TENM2: variants seen among roughly 807,000 people sequenced by gnomAD.
The protein encoded by TENM2 is teneurin transmembrane protein 2.
Under a neutral mutation model 245.2 loss-of-function variants are expected in TENM2, and 52 were observed. That is an observed-to-expected ratio of 0.21 (90% CI 0.17 to 0.27). TENM2 has a LOEUF of 0.27. TENM2 is among the 10% of genes least tolerant of loss of function. The pLI is 1.00. For missense variants in TENM2, 3,046 were observed against 3,666.8 expected, an observed-to-expected ratio of 0.83 and a Z score of 4.37; for synonymous variants, 1,363 against 1,438.9, an observed-to-expected ratio of 0.95 and a Z score of 1.19.
intron 12 of TENM2, among the ~76,000 whole-genome samples, chr5:168,128,113 TG>T (rs760026878): frequency 1.3e-5 from 2 of 152,242 alleles, no homozygotes; most frequent in Non-Finnish European, 2.9e-5. Context: ...TCCATCTGAT[TG>T]GGCATCCGAG....
chr5:167,260,034 A>C, the TENM2 span, among the ~76,000 whole-genome samples: 1 of 152,206 alleles, frequency 6.6e-6, no homozygotes, highest in Non-Finnish European at 1.5e-5. Flanking sequence ...AGACACGCCA[A>C]GTCATCTTGT....
At chr5:168,003,027 G>A (rs186168595) in intron 5 of TENM2, among the ~76,000 whole-genome samples, 1 of 152,278 alleles carries the variant, frequency 6.6e-6, no homozygotes, top group East Asian at 1.9e-4. Context: ...TCCTGTCCTG[G>A]TGTTAATCAG....
intron 2 of TENM2, among the ~76,000 whole-genome samples, chr5:167,549,121 T>C (rs1340450960): frequency 6.6e-6 from 1 of 152,172 alleles, no homozygotes; most frequent in East Asian, 1.9e-4. Context: ...GTATATCAGC[T>C]CAGCCAATCG....
At chr5:167,489,527 C>T (rs900395913) in intron 2 of TENM2, among the ~76,000 whole-genome samples, 18 of 152,234 alleles carry the variant, frequency 1.2e-4, no homozygotes, top group Non-Finnish European at 2.5e-4. Context: ...GCAACACTGC[C>T]CTTCAGCATT....
At chr5:167,988,985 C>T (rs909044533) in intron 4 of TENM2, among the ~76,000 whole-genome samples, 1 of 152,022 alleles carries the variant, frequency 6.6e-6, no homozygotes, top group Non-Finnish European at 1.5e-5. Context: ...TTATCTTTAC[C>T]GTGTTGCTCT....
At chr5:167,797,357 C>A (rs1011484714) in intron 2 of TENM2, among the ~76,000 whole-genome samples, 1 of 152,150 alleles carries the variant, frequency 6.6e-6, no homozygotes, top group Non-Finnish European at 1.5e-5. Context: ...ATGGCATCCC[C>A]TTTAATGAGC....
intron 3 of TENM2, among the ~76,000 whole-genome samples, chr5:167,898,523 C>G (rs770942483): frequency 3.9e-5 from 6 of 152,198 alleles, no homozygotes; most frequent in Non-Finnish European, 7.3e-5. Flanking sequence ...TAGGGCCAGG[C>G]AGCAGCCTGG....
At chr5:167,399,666 C>T (rs1247015606) in intron 2 of TENM2, among the ~76,000 whole-genome samples, 1 of 152,160 alleles carries the variant, frequency 6.6e-6, no homozygotes, top group Non-Finnish European at 1.5e-5. Flanking sequence ...ACGACTTCAT[C>T]TCTCTGAGTA....
At chr5:167,342,618 C>A (rs1346637102) in intron 1 of TENM2, among the ~76,000 whole-genome samples, 1 of 146,494 alleles carries the variant, frequency 6.8e-6, no homozygotes, top group African/African-American at 2.5e-5. Context: ...AGCTCCGCTT[C>A]CCGGGTTCAC....
At chr5:167,040,257 G>A in the TENM2 span, among the ~76,000 whole-genome samples, 1 of 151,954 alleles carries the variant, frequency 6.6e-6, no homozygotes, top group Admixed American at 6.5e-5. Flanking sequence ...TTTCAGTGTA[G>A]TGCTCAGACC....
chr5:167,735,517 T>C (rs1010215682), intron 2 of TENM2, among the ~76,000 whole-genome samples: 3 of 152,208 alleles, frequency 2.0e-5, no homozygotes, highest in Non-Finnish European at 4.4e-5. Context: ...GTGAAAACTA[T>C]TGACCAGGAA....
rs140193387 is a variant in TENM2, at chr5:167,438,686, C to T, written c.502+63213C>T. Among the ~76,000 whole-genome samples the T allele has an allele frequency of 3.3e-3, 503 of 152,252 alleles. 2 individuals are homozygous for T. The highest frequency in any genetic ancestry group is 9.3e-3 in the East Asian group (48 of 5,154). On this transcript the variant is annotated intron_variant, in intron 2 of 28. Coordinates refer to ENST00000518659, the Ensembl canonical transcript of TENM2. ...TGCTGGGATTATAGGCATGAGCCACCGCATCTGGCCTGAACAAACATTTTT... is the reference window on the plus strand; with the variant it reads ...TGCTGGGATTATAGGCATGAGCCACTGCATCTGGCCTGAACAAACATTTTT...
At chr5:167,149,893 T>A in the TENM2 span, among the ~76,000 whole-genome samples, 3 of 152,252 alleles carry the variant, frequency 2.0e-5, no homozygotes, top group East Asian at 5.8e-4. Context: ...ACAAGGATTA[T>A]TTTATTCACT....
chr5:167,460,914 G>T (rs902028294), intron 2 of TENM2, among the ~76,000 whole-genome samples: 1 of 152,106 alleles, frequency 6.6e-6, no homozygotes, highest in Admixed American at 6.5e-5. Context: ...ATGAACTGCA[G>T]TTGCTGATCT....
rs188008291 is a variant in TENM2, at chr5:168,016,342, T to G, written c.1186+23160T>G. ...TCCCCAACGCCCTTCAACTCTGTCT[T>G]ACTATCATTCCATTATTTTATCTGA... On this transcript the variant is annotated intron_variant, in intron 5 of 28. Transcript: ENST00000518659. Among the ~76,000 whole-genome samples the G allele has an allele frequency of 2.0e-5, 3 of 152,364 alleles. No homozygotes were observed. The East Asian group carries it at 5.8e-4, about 29-fold the overall frequency.
At chr5:167,238,338 G>T in the TENM2 span, among the ~76,000 whole-genome samples, 2 of 152,070 alleles carry the variant, frequency 1.3e-5, no homozygotes, top group Admixed American at 1.3e-4. Context: ...TAGATCTCAG[G>T]TCTTATGAAA....
At chr5:168,047,348 A>G in intron 5 of TENM2, 79 bp from the exon 8 acceptor site, 1 of 1,508,872 alleles carries the variant, frequency 6.6e-7, no homozygotes, top group Non-Finnish European at 9.0e-7. Context: ...CGCTTGGAAA[A>G]GGGCACCTGG....
chr5:167,261,931 G>T, the TENM2 span, among the ~76,000 whole-genome samples: 1 of 152,012 alleles, frequency 6.6e-6, no homozygotes, highest in Non-Finnish European at 1.5e-5. Context: ...CTCCATTTTG[G>T]GGTCAGACCG....
chr5:167,806,543 A>C (rs1269045451), intron 2 of TENM2, among the ~76,000 whole-genome samples: 1 of 152,116 alleles, frequency 6.6e-6, no homozygotes, highest in African/African-American at 2.4e-5. Flanking sequence ...CGTGGTAATG[A>C]AGATGGCCCC....
Sources: allele counts gnomAD v4.1 joint callset (sites outside exome capture counted in the v4.1 genomes callset), GRCh38; gene constraint gnomAD v4.1.1; transcripts MANE v1.5; gene names NCBI Gene and HGNC (gene_info 2026-07-23, HGNC 2026-07-21).